Variants in EYA3 observed in about 807,000 individuals in gnomAD.
The protein encoded by EYA3 is EYA transcriptional coactivator and phosphatase 3, also known as protein phosphatase EYA3.
A neutral mutation model predicts 80.0 loss-of-function variants in EYA3; 39 were observed. That is an observed-to-expected ratio of 0.49 (90% CI 0.38 to 0.64). EYA3 has a LOEUF of 0.64. EYA3 is among the 30% of genes least tolerant of loss of function. The pLI, the probability that EYA3 is intolerant of heterozygous loss-of-function variation, is 0.00. For missense variants in EYA3, 523 were observed against 676.1 expected (o/e 0.77, Z 2.51); for synonymous variants, 206 against 232.8 (o/e 0.88, Z 1.05).
chr1:27,989,930 GT>G, intron 14 of EYA3, 119 bp from the exon 15 acceptor site: 1 of 497,542 alleles, frequency 2.0e-6, no homozygotes. Flanking sequence ...TACTGAGTAT[GT>G]TTATATATAT....
At chr1:28,084,597 T>TATATATA (rs1557659989) in intron 1 of EYA3, among the ~76,000 whole-genome samples, 5 of 15,666 alleles carry the variant, frequency 3.2e-4, no homozygotes, top group South Asian at 3.3e-3. Flanking sequence ...ATATATATAT[T>TATATATA]TTTTTTTTTT....
At chr1:27,993,074 AT>A (rs955490150) in intron 14 of EYA3, among the ~76,000 whole-genome samples, 10 of 152,190 alleles carry the variant, frequency 6.6e-5, no homozygotes, top group African/African-American at 2.4e-4. Context: ...AAAAAAAAAA[AT>A]GTGGCACCCT....
intron 3 of EYA3, 116 bp downstream of exon 3, chr1:28,048,267 C>T (rs1644101394): frequency 2.2e-5 from 13 of 593,434 alleles, no homozygotes; most frequent in Non-Finnish European, 3.7e-5. Context: ...CAAAATGTAA[C>T]AGCTGATGGT....
intron 5 of EYA3, 68 bp downstream of exon 5, chr1:28,038,771 T>G (rs947063193): frequency 1.2e-6 from 1 of 863,852 alleles, no homozygotes; most frequent in Non-Finnish European, 1.8e-6. Flanking sequence ...AGAGGAAAAA[T>G]AATATTAAAT....
At position 27,989,682 on chromosome 1, in the gene EYA3, G is replaced by T; in HGVS notation, c.1418+15C>A. On this transcript the variant is annotated intron_variant, in intron 15 of 17. Transcript: ENST00000373871. The stretch of plus-strand genomic sequence containing the variant: ...GTCGCTGAGAGGATGAGACCTAAAA[G>T]AACCATTTCCATACCTGGACTGGAT... 1 of 1,540,154 alleles carries T rather than the reference G, an allele frequency of 6.5e-7. No homozygotes were observed. The highest frequency in any genetic ancestry group is 8.9e-7 in the Non-Finnish European group (1 of 1,118,032).
chr1:28,035,281 A>T (rs574537502), intron 6 of EYA3, among the ~76,000 whole-genome samples: 1 of 152,340 alleles, frequency 6.6e-6, no homozygotes, highest in East Asian at 1.9e-4. Context: ...AAGTAAGTCA[A>T]ATCAATAGCA....
At chr1:28,064,966 C>A (rs1335560928) in intron 1 of EYA3, among the ~76,000 whole-genome samples, 1 of 152,168 alleles carries the variant, frequency 6.6e-6, no homozygotes, top group African/African-American at 2.4e-5. Context: ...AATAAAGAGA[C>A]TAGATAATAG....
rs192318029 is a variant in EYA3, at chr1:28,016,108, A to G, written c.585+1046T>C. On this transcript the variant is annotated intron_variant, in intron 8 of 17. Coordinates refer to ENST00000373871, the MANE Select transcript of EYA3 (RefSeq NM_001990.4). Reference sequence around the variant, plus strand: ...TGGATGAAGTAATTAACATGTGGAAAAACCAAATAGAGACTGTCCACGTTC... The same window carrying G: ...TGGATGAAGTAATTAACATGTGGAAGAACCAAATAGAGACTGTCCACGTTC... 1.5e-4 allele frequency among the ~76,000 whole-genome samples: 23 copies of G among 152,324 alleles called. 1 individual carries two copies. In the East Asian group the frequency reaches 4.4e-3, roughly 29 times the overall value.
intron 6 of EYA3, among the ~76,000 whole-genome samples, chr1:28,034,743 T>C (rs527619388): frequency 2.6e-4 from 39 of 152,284 alleles, no homozygotes; most frequent in African/African-American, 8.7e-4. Context: ...TGGTCATCTG[T>C]CTGGAAAATT....
At position 28,034,576 on chromosome 1, in the gene EYA3, C is replaced by T. The variant is rs144471024; in HGVS notation, c.361+968G>A. 5.5e-3 allele frequency among the ~76,000 whole-genome samples: 835 copies of T among 152,174 alleles called. 7 individuals are homozygous for T. Among genetic ancestry groups the T allele is most frequent in the African/African-American group, 0.019 (784 of 41,520 alleles). On this transcript the variant is annotated intron_variant, in intron 6 of 17. Coordinates refer to ENST00000373871, the MANE Select transcript of EYA3 (RefSeq NM_001990.4). ...AACCCCACTATTATTAAACATAATT[C>T]CCAATTCTTATTTCTAGCAGTTACC...
intron 6 of EYA3, among the ~76,000 whole-genome samples, chr1:28,028,926 G>A (rs1009068650): frequency 3.3e-5 from 5 of 151,924 alleles, no homozygotes; most frequent in African/African-American, 4.8e-5. Context: ...TTGCTATGTC[G>A]CCCAGGCCAG....
At chr1:28,004,058 A>G (rs1196512885) in intron 11 of EYA3, among the ~76,000 whole-genome samples, 1 of 152,146 alleles carries the variant, frequency 6.6e-6, no homozygotes, top group African/African-American at 2.4e-5. Context: ...TTTGAGCCTC[A>G]TTTCTATACT....
At chr1:28,007,846 C>T (rs988249859) in intron 10 of EYA3, among the ~76,000 whole-genome samples, 2 of 151,796 alleles carry the variant, frequency 1.3e-5, no homozygotes, top group African/African-American at 4.8e-5. Flanking sequence ...CAACGCAATC[C>T]CTATCAAAAT....
chr1:28,082,178 T>C (rs944675846), intron 1 of EYA3, among the ~76,000 whole-genome samples: 7 of 152,132 alleles, frequency 4.6e-5, no homozygotes, highest in African/African-American at 1.7e-4. Flanking sequence ...TTAAAATTAG[T>C]ATTCCTAATC....
rs1641932772 is a variant in EYA3, at chr1:28,014,739, AAG to A, written c.586-1447_586-1446del. Among the ~76,000 whole-genome samples, 3 of 152,030 alleles carry A rather than the reference AAG, an allele frequency of 2.0e-5. No individual in the cohort carries two copies. In the South Asian group the frequency reaches 6.2e-4, roughly 32 times the overall value. Reference sequence around the variant, plus strand: ...CAAGACTCTGTCTCAAAAAAAAAAAAAGGTTTCTTAAAATATTGGGATAAAAC... The same window carrying A: ...CAAGACTCTGTCTCAAAAAAAAAAAAGTTTCTTAAAATATTGGGATAAAAC... On this transcript the variant is annotated intron_variant, in intron 8 of 17. Coordinates refer to ENST00000373871, the MANE Select transcript of EYA3 (RefSeq NM_001990.4).
intron 3 of EYA3, among the ~76,000 whole-genome samples, chr1:28,044,074 A>G (rs1005713225): frequency 1.3e-5 from 2 of 152,204 alleles, no homozygotes; most frequent in African/African-American, 4.8e-5. Flanking sequence ...TGGGAGGACA[A>G]GTCATTATGT....
At chr1:27,982,198 G>A (rs564869499) in intron 16 of EYA3, among the ~76,000 whole-genome samples, 1 of 151,998 alleles carries the variant, frequency 6.6e-6, no homozygotes, top group South Asian at 2.1e-4. Context: ...GGGTTTCACC[G>A]TGATGCCCAG....
intron 7 of EYA3, among the ~76,000 whole-genome samples, chr1:28,026,332 T>G (rs1279504843): frequency 6.6e-6 from 1 of 152,166 alleles, no homozygotes; most frequent in African/African-American, 2.4e-5. Flanking sequence ...AGAGAAATAC[T>G]AGGCCAGGTG....
chr1:28,006,473 G>A (rs1641283109), intron 10 of EYA3, among the ~76,000 whole-genome samples: 1 of 152,170 alleles, frequency 6.6e-6, no homozygotes, highest in Non-Finnish European at 1.5e-5. Flanking sequence ...TTGAGAGACT[G>A]AAGCAGGTGG....
Sources: allele counts gnomAD v4.1 joint callset (sites outside exome capture counted in the v4.1 genomes callset), GRCh38; gene constraint gnomAD v4.1.1; transcripts MANE v1.5; gene names NCBI Gene and HGNC (gene_info 2026-07-23, HGNC 2026-07-21).